CNTNAP2: variants seen among roughly 807,000 people sequenced by gnomAD.
CNTNAP2 encodes the protein contactin associated protein 2.
CNTNAP2 carries 98 observed loss-of-function variants against 155.2 expected under a neutral mutation model. The ratio of observed to expected loss-of-function variants is 0.63; its 90% CI spans 0.54 to 0.75. The LOEUF is 0.75. CNTNAP2 is among the 30% of genes least tolerant of loss of function. CNTNAP2 has a pLI of 0.00. For missense variants in CNTNAP2, 1,727 were observed against 1,688.1 expected, an observed-to-expected ratio of 1.02 and a Z score of -0.40; for synonymous variants, 651 against 631.2, an observed-to-expected ratio of 1.03 and a Z score of -0.47.
chr7:146,674,127 A>G (rs545730212), intron 1 of CNTNAP2, among the ~76,000 whole-genome samples: 82 of 152,316 alleles, frequency 5.4e-4, no homozygotes, highest in African/African-American at 1.9e-3. Context: ...TGAAGTAACT[A>G]TCAGCTACAA....
intron 8 of CNTNAP2, among the ~76,000 whole-genome samples, chr7:147,297,012 G>T (rs1166977393): frequency 6.6e-6 from 1 of 152,110 alleles, no homozygotes; most frequent in Non-Finnish European, 1.5e-5. Flanking sequence ...ACAGAGAAAG[G>T]TCAATTACAA....
At chr7:146,967,156 G>A (rs1043266139) in intron 3 of CNTNAP2, among the ~76,000 whole-genome samples, 14 of 152,274 alleles carry the variant, frequency 9.2e-5, no homozygotes, top group African/African-American at 1.7e-4. Flanking sequence ...ATAGGCCTAT[G>A]TGTAACAAAT....
At chr7:147,058,464 C>G (rs530608351) in intron 4 of CNTNAP2, among the ~76,000 whole-genome samples, 3 of 152,170 alleles carry the variant, frequency 2.0e-5, no homozygotes, top group African/African-American at 4.8e-5. Context: ...TTCACGCACT[C>G]TATTCACATT....
chr7:147,484,195 G>C (rs949703121), intron 10 of CNTNAP2, among the ~76,000 whole-genome samples: 2 of 152,062 alleles, frequency 1.3e-5, no homozygotes, highest in Non-Finnish European at 2.9e-5. Flanking sequence ...ATAACACTGA[G>C]CCCAAATTTT....
At chr7:147,508,323 C>T (rs542872897) in intron 11 of CNTNAP2, among the ~76,000 whole-genome samples, 7 of 152,166 alleles carry the variant, frequency 4.6e-5, no homozygotes, top group African/African-American at 7.2e-5. Context: ...AAAGGAAAAA[C>T]GGTCCTTTAG....
intron 1 of CNTNAP2, among the ~76,000 whole-genome samples, chr7:146,624,386 T>C (rs990447192): frequency 5.3e-5 from 8 of 152,080 alleles, no homozygotes; most frequent in South Asian, 2.1e-4. Flanking sequence ...TTTAGAACTA[T>C]GATCCATTTT....
chr7:146,819,839 C>A (rs1028792333), intron 2 of CNTNAP2, among the ~76,000 whole-genome samples: 1 of 152,070 alleles, frequency 6.6e-6, no homozygotes. Flanking sequence ...TTGCCATAGT[C>A]GCCAGGAGCT....
chr7:147,464,465 TAAAAA>T (rs71183005), intron 10 of CNTNAP2, among the ~76,000 whole-genome samples: 4 of 65,968 alleles, frequency 6.1e-5, no homozygotes, highest in African/African-American at 1.9e-4. Context: ...AGACTCCATC[TAAAAA>T]AAAAAAAAAA....
At chr7:146,535,773 T>C (rs1797859565) in intron 1 of CNTNAP2, among the ~76,000 whole-genome samples, 1 of 151,916 alleles carries the variant, frequency 6.6e-6, no homozygotes, top group South Asian at 2.1e-4. Flanking sequence ...TCCCTTGCTG[T>C]CCCCACTTGT....
At chr7:146,423,806 T>A (rs1187824921) in intron 1 of CNTNAP2, among the ~76,000 whole-genome samples, 1 of 152,218 alleles carries the variant, frequency 6.6e-6, no homozygotes, top group Non-Finnish European at 1.5e-5. Context: ...AGGTAGATCT[T>A]TTCTTTTTTA....
chr7:146,352,855 C>T lies in CNTNAP2; in HGVS notation c.97+235882C>T, dbSNP rs185753640. ...CTGCAAGCTCCGCCTCCCGGGTTCACGCCATTCTCCTGCCTCAGCCTCCCT... is the reference window on the plus strand; with the variant it reads ...CTGCAAGCTCCGCCTCCCGGGTTCATGCCATTCTCCTGCCTCAGCCTCCCT... On this transcript the variant is annotated intron_variant, in intron 1 of 23. Transcript: ENST00000361727. Among the ~76,000 whole-genome samples the T allele has an allele frequency of 5.4e-4, 79 of 147,586 alleles. 1 individual carries two copies. The highest frequency in any genetic ancestry group is 7.5e-4 in the African/African-American group (30 of 40,148).
chr7:147,335,491 T>C (rs2116849607), intron 9 of CNTNAP2, among the ~76,000 whole-genome samples: 1 of 152,148 alleles, frequency 6.6e-6, no homozygotes, highest in East Asian at 1.9e-4. Flanking sequence ...AGCATGGAAG[T>C]AAAAAAGAAT....
At chr7:147,647,144 C>CCGT (rs1563037490) in intron 13 of CNTNAP2, among the ~76,000 whole-genome samples, 3 of 151,388 alleles carry the variant, frequency 2.0e-5, no homozygotes, top group Admixed American at 1.3e-4. Context: ...CATGCTGCCA[C>CCGT]GCCCAGCTAA....
intron 13 of CNTNAP2, among the ~76,000 whole-genome samples, chr7:147,839,092 C>G (rs1259286021): frequency 6.6e-6 from 1 of 152,160 alleles, no homozygotes; most frequent in Non-Finnish European, 1.5e-5. Flanking sequence ...GTAGCCAGCA[C>G]AAGAGAAAAA....
chr7:147,542,826 A>G (rs2116747846), intron 11 of CNTNAP2, among the ~76,000 whole-genome samples: 1 of 152,346 alleles, frequency 6.6e-6, no homozygotes, highest in African/African-American at 2.4e-5. Flanking sequence ...ATAATTTTCA[A>G]GTGCACTCCC....
chr7:146,821,751 G>A (rs1174712513), intron 2 of CNTNAP2, among the ~76,000 whole-genome samples: 2 of 151,986 alleles, frequency 1.3e-5, no homozygotes, highest in Admixed American at 6.6e-5. Context: ...TCAGAGAAAT[G>A]CAAATCAAAA....
At chr7:146,219,998 A>G (rs812433) in intron 1 of CNTNAP2, among the ~76,000 whole-genome samples, 152,081 of 152,234 alleles carry the variant, frequency 1, 75,964 homozygotes, top group Middle Eastern at 1. Flanking sequence ...CTGAGTTGCC[A>G]CAGGTGATGA....
At chr7:146,843,075 C>T (rs1207329158) in intron 3 of CNTNAP2, among the ~76,000 whole-genome samples, 1 of 105,110 alleles carries the variant, frequency 9.5e-6, no homozygotes, top group Non-Finnish European at 1.8e-5. Flanking sequence ...TGCAGTGGCG[C>T]AATCTCGGCT....
intron 15 of CNTNAP2, among the ~76,000 whole-genome samples, chr7:148,048,292 A>G (rs1802812941): frequency 6.6e-6 from 1 of 152,156 alleles, no homozygotes; most frequent in Admixed American, 6.5e-5. Context: ...CATCACTGTC[A>G]TGTAGCTGCA....
Sources: allele counts gnomAD v4.1 joint callset (sites outside exome capture counted in the v4.1 genomes callset), GRCh38; gene constraint gnomAD v4.1.1; transcripts MANE v1.5; gene names NCBI Gene and HGNC (gene_info 2026-07-23, HGNC 2026-07-21).